The following CNOT6L variants were observed in gnomAD, a reference collection of about 807,000 sequenced individuals.
The protein encoded by CNOT6L is CCR4-NOT transcription complex subunit 6-like.
CNOT6L carries 7 observed loss-of-function variants against 64.0 expected under a neutral mutation model. That is an observed-to-expected ratio of 0.11 (90% CI 0.06 to 0.21). CNOT6L has a LOEUF of 0.21. CNOT6L is among the 10% of genes least tolerant of loss of function. CNOT6L has a pLI of 1.00. For missense variants in CNOT6L, 245 were observed against 669.0 expected (o/e 0.37, Z 6.99); for synonymous variants, 193 against 243.4 (o/e 0.79, Z 1.93).
rs72864913 is a variant in CNOT6L at position 77,733,645 on chromosome 4, A to C, written c.873-2107T>G. The stretch of plus-strand genomic sequence containing the variant: ...TTATAACTGGAATAATTTTACTTCT[A>C]CCAAAGCTAGGTCATTCTTTGGGGC... On this transcript the variant is annotated intron_variant, in intron 8 of 11. Transcript: ENST00000504123. 5.8e-4 allele frequency among the ~76,000 whole-genome samples: 88 copies of C among 152,168 alleles called. 1 individual carries two copies. The highest frequency in any genetic ancestry group is 2.0e-3 in the African/African-American group (84 of 41,564).
rs909168307 is a variant in CNOT6L, at chr4:77,717,940, C to T, written c.*2491G>A. On this transcript the variant is annotated 3_prime_UTR_variant, in exon 12 of 12. Coordinates refer to ENST00000504123, the MANE Select transcript of CNOT6L (RefSeq NM_144571.3). ...CAGGATAATGAATGGTTTGAAAGAG[C>T]GCATTTGAAGCAGAGAGAACCCAAT... is the stretch of plus-strand genomic sequence containing the variant. The T allele has an allele frequency of 1.3e-4, 20 of 152,558 alleles. No individual in the cohort carries two copies. The East Asian group carries it at 3.7e-3, about 28-fold the overall frequency. The allele number at this position is 152,558 out of a possible 1,614,324, so 9.5% of individuals were successfully genotyped here. A position where few individuals can be genotyped will look rare whatever the true frequency, so the allele number is the denominator to read the frequency against.
intron 5 of CNOT6L, 75 bp downstream of exon 5, chr4:77,756,787 G>T: frequency 1.2e-6 from 1 of 864,140 alleles, no homozygotes; most frequent in Non-Finnish European, 1.8e-6. Flanking sequence ...ACAGTCAGAT[G>T]CTCTTGAGGA....
intron 1 of CNOT6L, among the ~76,000 whole-genome samples, chr4:77,784,168 A>C (rs1729190469): frequency 6.6e-6 from 1 of 152,130 alleles, no homozygotes; most frequent in African/African-American, 2.4e-5. Context: ...AGGAGAAAGA[A>C]ATCGAATACA....
chr4:77,731,785 C>A, intron 8 of CNOT6L: 1 of 334,442 alleles, frequency 3.0e-6, no homozygotes, highest in Admixed American at 4.5e-5. Flanking sequence ...AGCTAGTGCT[C>A]GGAGAAATAA....
intron 6 of CNOT6L, among the ~76,000 whole-genome samples, chr4:77,747,055 C>T (rs1421345350): frequency 6.6e-6 from 1 of 151,236 alleles, no homozygotes; most frequent in Non-Finnish European, 1.5e-5. Context: ...AAAAAAAAGA[C>T]TTGTTCTGAA....
intron 1 of CNOT6L, among the ~76,000 whole-genome samples, chr4:77,778,454 G>A (rs1189650335): frequency 1.3e-5 from 2 of 151,718 alleles, no homozygotes; most frequent in Non-Finnish European, 2.9e-5. Flanking sequence ...CTGGAGGGCA[G>A]TGGCGTGATC....
chr4:77,808,460 C>T (rs1253608634), intron 1 of CNOT6L, among the ~76,000 whole-genome samples: 1 of 124,372 alleles, frequency 8.0e-6, no homozygotes, highest in South Asian at 2.6e-4. Flanking sequence ...ACTCTGCCAT[C>T]TCAAAAAAAA....
chr4:77,792,796 T>A (rs1730320899), intron 1 of CNOT6L, among the ~76,000 whole-genome samples: 3 of 147,440 alleles, frequency 2.0e-5, no homozygotes, highest in African/African-American at 7.5e-5. Flanking sequence ...CTCCAAGAAA[T>A]ACTAACATAA....
intron 11 of CNOT6L, among the ~76,000 whole-genome samples, chr4:77,724,007 C>T (rs970336306): frequency 6.6e-6 from 1 of 151,980 alleles, no homozygotes; most frequent in Non-Finnish European, 1.5e-5. Context: ...CACCTGTAAT[C>T]CTAGTACTTT....
rs1470591809 is a variant in CNOT6L at position 77,719,041 on chromosome 4, C to CA, written c.*1389dup. On this transcript the variant is annotated 3_prime_UTR_variant, in exon 12 of 12. Transcript: ENST00000504123. ...AAATTTCAGAAAACTCTTATAGCAG[C>CA]AAAAAAGCAGAATAAAGAAAAACTT... is the stretch of plus-strand genomic sequence containing the variant. The CA allele has an allele frequency of 5.2e-5, 8 of 152,438 alleles. No homozygotes were observed. The South Asian group carries it at 1.5e-3, about 28-fold the overall frequency. The allele number at this position is 152,438 out of a possible 1,614,324, so 9.4% of individuals were successfully genotyped here.
At chr4:77,756,410 A>C (rs1725582147) in intron 5 of CNOT6L, among the ~76,000 whole-genome samples, 1 of 152,232 alleles carries the variant, frequency 6.6e-6, no homozygotes, top group Admixed American at 6.5e-5. Flanking sequence ...ACGTGTAATG[A>C]ATCAAACTAG....
In CNOT6L at chr4:77,716,969, C is replaced by T. The variant is rs751634594; in HGVS notation, c.*3462G>A. On this transcript the variant is annotated 3_prime_UTR_variant, in exon 12 of 12. Coordinates refer to ENST00000504123, the MANE Select transcript of CNOT6L (RefSeq NM_144571.3). ...CTGACTTCAACATGTGATATTCAAA[C>T]GAATGTTCACACGCCTTACATCAAA... 2 of 152,422 alleles carry T rather than the reference C, an allele frequency of 1.3e-5. No homozygotes were observed. Among genetic ancestry groups the T allele is most frequent in the African/African-American group, 2.4e-5 (1 of 41,406 alleles). The allele number at this position is 152,422 out of a possible 1,614,324, so 9.4% of individuals were successfully genotyped here.
At chr4:77,811,365 T>C (rs1026982221) in intron 1 of CNOT6L, among the ~76,000 whole-genome samples, 7 of 151,984 alleles carry the variant, frequency 4.6e-5, no homozygotes, top group African/African-American at 1.5e-4. Context: ...CTGGCCAACA[T>C]AGTGATCTCT....
upstream of CNOT6L, chr4:77,819,391 A>G (rs1347206890): frequency 6.2e-7 from 1 of 1,600,402 alleles, no homozygotes; most frequent in East Asian, 2.2e-5. Context: ...GCGCGCGCGC[A>G]CCAGGCCCCC....
At chr4:77,733,699 T>A (rs1286436547) in intron 8 of CNOT6L, among the ~76,000 whole-genome samples, 1 of 152,058 alleles carries the variant, frequency 6.6e-6, no homozygotes, top group Non-Finnish European at 1.5e-5. Context: ...AGGACTCTAA[T>A]TAAAAGAAAT....
intron 1 of CNOT6L, among the ~76,000 whole-genome samples, chr4:77,812,448 G>GA (rs922486132): frequency 1.8e-4 from 24 of 136,724 alleles, no homozygotes; most frequent in South Asian, 4.6e-4. Flanking sequence ...AAAAAAAAAA[G>GA]AAAAAAAAAA....
intron 1 of CNOT6L, among the ~76,000 whole-genome samples, chr4:77,780,119 A>C (rs1300696186): frequency 6.6e-6 from 1 of 152,236 alleles, no homozygotes; most frequent in Non-Finnish European, 1.5e-5. Flanking sequence ...AAAATTATGA[A>C]ATAAATTATT....
chr4:77,713,715 CAGTTT>C lies in CNOT6L; in HGVS notation c.*6711_*6715del, dbSNP rs1720432810. Reference sequence around the variant, plus strand: ...TATTGTGAAAAACATCTCAGCTGAGCAGTTTTGGTCAAGATTCAGACCTCATCAAC... The same window carrying C: ...TATTGTGAAAAACATCTCAGCTGAGCTGGTCAAGATTCAGACCTCATCAAC... On this transcript the variant is annotated 3_prime_UTR_variant, in exon 12 of 12. Coordinates refer to ENST00000504123, the MANE Select transcript of CNOT6L (RefSeq NM_144571.3). 6.6e-6 allele frequency: 1 copy of C among 152,498 alleles called. No individual in the cohort carries two copies. Among genetic ancestry groups the C allele is most frequent in the Non-Finnish European group, 1.5e-5 (1 of 68,016 alleles). 9.4% of individuals were successfully genotyped at this position (152,498 alleles called of 1,614,324 possible).
At chr4:77,810,143 A>C (rs1298424951) in intron 1 of CNOT6L, among the ~76,000 whole-genome samples, 2 of 152,156 alleles carry the variant, frequency 1.3e-5, no homozygotes, top group East Asian at 3.8e-4. Context: ...GAATATTCTT[A>C]GCTAAACTCA....
Sources: gnomAD v4.1 joint callset for allele counts (sites outside exome capture counted in the v4.1 genomes callset) on GRCh38, gnomAD v4.1.1 for gene constraint, MANE v1.5 for transcripts, NCBI Gene and HGNC (gene_info 2026-07-23, HGNC 2026-07-21) for gene names.